The following CRAT variants were observed in gnomAD, a reference collection of about 807,000 sequenced individuals.
The protein encoded by CRAT is carnitine acetylase.
In CRAT, 66 loss-of-function variants were observed where a neutral mutation model predicts 73.7. The observed-to-expected ratio is 0.90, with a 90% CI of 0.73 to 1.10. The LOEUF (loss-of-function observed/expected upper bound fraction) is 1.10, where lower values mean the gene tolerates loss of function less well. Ranked by LOEUF, CRAT falls within the 50% of genes least tolerant of loss-of-function variation. The probability of loss-of-function intolerance (pLI) is 0.00; values close to 1 mark genes in which losing one functional copy is unlikely to be tolerated. For missense variants in CRAT, 745 were observed against 846.9 expected, an observed-to-expected ratio of 0.88 and a Z score of 1.49; for synonymous variants, 321 against 343.2, an observed-to-expected ratio of 0.94 and a Z score of 0.71.
chr9:129,100,437 C>A (rs377072166), intron 7 of CRAT, 74 bp downstream of exon 7: 1 of 1,495,224 alleles, frequency 6.7e-7, no homozygotes, highest in Non-Finnish European at 9.0e-7. Flanking sequence ...GGGCCGGGGA[C>A]GGGCAGGAAG....
At chr9:129,101,247 C>T (rs1847654988) in intron 6 of CRAT, among the ~76,000 whole-genome samples, 1 of 152,202 alleles carries the variant, frequency 6.6e-6, no homozygotes, top group East Asian at 1.9e-4. Flanking sequence ...ACATGTCTGC[C>T]CATGGCTGTG....
At position 129,104,211 on chromosome 9, in the gene CRAT, G is replaced by A. The variant is rs890056177; in HGVS notation, c.387C>T (p.Phe129=). Residue 129 remains phenylalanine, a synonymous_variant, in exon 3 of 14, where the codon TTC becomes TTT. Transcript: ENST00000318080. ...SPGVMLPKQD[F]VDLQGQLRFA... ...ACCGGAGCTGACCCTGCAGGTCCAC[G>A]AAGTCCTGCTTGGGTAGCATCACGC... 22 of 1,610,838 alleles carry A rather than the reference G, an allele frequency of 1.4e-5. No homozygotes were observed. The highest frequency in any genetic ancestry group is 1.2e-4 in the Admixed American group (7 of 59,688).
rs1847198730 is a variant in CRAT at position 129,095,196 on chromosome 9, G to A, written c.*201C>T. On this transcript the variant is annotated 3_prime_UTR_variant, in exon 14 of 14. Transcript: ENST00000318080. ...TGCACTCAGCCCCAGGTCGGGCCCTGGCAGGTGCTGGGATGACCCACGGAA... is the reference window on the plus strand; with the variant it reads ...TGCACTCAGCCCCAGGTCGGGCCCTAGCAGGTGCTGGGATGACCCACGGAA... The A allele has an allele frequency of 1.6e-6, 1 of 625,430 alleles. No homozygotes were observed. Among genetic ancestry groups the A allele is most frequent in the Non-Finnish European group, 2.8e-6 (1 of 361,536 alleles). The allele number at this position is 625,430 out of a possible 1,614,324, so 38.7% of individuals were successfully genotyped here.
chr9:129,106,088 C>T lies in CRAT; in HGVS notation c.291+1726G>A, dbSNP rs1290706717. 6.6e-6 allele frequency among the ~76,000 whole-genome samples: 1 copy of T among 152,156 alleles called. No homozygotes were observed. The highest frequency in any genetic ancestry group is 1.5e-5 in the Non-Finnish European group (1 of 68,022). On this transcript the variant is annotated intron_variant, in intron 2 of 13. Transcript: ENST00000318080. This position sits in a 1 kb window ranked among gnomAD's most constrained non-coding sequence, Gnocchi z 4.0. ...CAGCAGGATGCGCCTCTTCATCACA[C>T]GCACTCCCCTGCAGCACTGGGCCAC... is the stretch of plus-strand genomic sequence containing the variant.
rs745309261 is a variant in CRAT, at chr9:129,108,058, A to G, written c.47T>C (p.Leu16Pro). The change falls in exon 2 of 14, where the codon CTG becomes CCG. Residue 16 changes from leucine to proline, a missense_variant. Leu to Pro is a moderately conservative substitution (Grantham distance 98). Transcript: ENST00000318080. ...ARTVVKPLGFLKPFSLMKASS... is the reference protein window; with the variant it reads ...ARTVVKPLGFPKPFSLMKASS... ...AGCCTTCATCAAGGAGAAGGGCTTC[A>G]GGAAGCCCAGAGGCTTCACCTGCAG... The G allele has an allele frequency of 2.0e-6, 3 of 1,527,464 alleles. No individual in the cohort carries two copies. Among genetic ancestry groups the G allele is most frequent in the Non-Finnish European group, 2.6e-6 (3 of 1,142,918 alleles). The allele number at this position is 1,527,464 out of a possible 1,614,324, so 94.6% of individuals were successfully genotyped here. A position where few individuals can be genotyped will look rare whatever the true frequency, so the allele number is the denominator to read the frequency against.
At chr9:129,108,227 C>T (rs1848144190) in intron 1 of CRAT, 150 bp from the exon 2 acceptor site, 1 of 1,142,038 alleles carries the variant, frequency 8.8e-7, no homozygotes, top group East Asian at 2.7e-5. Context: ...AGCCCTAGAG[C>T]TCTAGGTGTC....
rs769718498 is a variant in CRAT, at chr9:129,100,516, G to A, written c.979C>T (p.Leu327=). The change falls in exon 7 of 14, where the codon CTG becomes TTG. Residue 327 remains leucine, a synonymous_variant. Coordinates refer to ENST00000318080, the MANE Select transcript of CRAT (RefSeq NM_000755.5). ...GAAGCCCTGCCGGGCCTCACCTGCA[G>A]CGTCTTGTCGAACCAGCGGTTGCCG... ...NSGNRWFDKT[L]QFIVAEDGSC... 1.2e-6 allele frequency: 2 copies of A among 1,612,704 alleles called. No individual in the cohort carries two copies. The highest frequency in any genetic ancestry group is 1.3e-5 in the African/African-American group (1 of 74,944).
At chr9:129,096,266 G>A in intron 12 of CRAT, 131 bp from the exon 13 acceptor site, 1 of 1,160,552 alleles carries the variant, frequency 8.6e-7, no homozygotes, top group East Asian at 2.4e-5. Flanking sequence ...GAGTATTCTG[G>A]CCAGAGAGAG....
chr9:129,100,586 G>C lies in CRAT; in HGVS notation c.909C>G (p.His303Gln), dbSNP rs550702669. The part of the protein sequence containing the change: ...PRVSEDVYRS[H>Q]VAGQMLHGGG... The stretch of plus-strand genomic sequence containing the variant: ...CCCCATGCAGCATCTGGCCTGCCAC[G>C]TGGCTGCGGTACACGTCTTCTGAGA... The change falls in exon 7 of 14, where the codon CAC (histidine) becomes CAG (glutamine). Residue 303 changes from histidine (H) to glutamine (Q), a missense_variant. His to Gln is a conservative substitution (Grantham distance 24). Coordinates refer to ENST00000318080, the MANE Select transcript of CRAT (RefSeq NM_000755.5). 3 of 1,614,030 alleles carry C rather than the reference G, an allele frequency of 1.9e-6. No homozygotes were observed. The South Asian group carries it at 3.3e-5, about 18-fold the overall frequency.
At position 129,097,240 on chromosome 9, in the gene CRAT, G is replaced by A; in HGVS notation, c.1527+10C>T. On this transcript the variant is annotated intron_variant, in intron 12 of 13. Coordinates refer to ENST00000318080, the MANE Select transcript of CRAT (RefSeq NM_000755.5). ...GGGACAAGTGAGTAGGCACAAGCGG[G>A]CTCACTTACCCGGTCGGTGTAGCCT... is the stretch of plus-strand genomic sequence containing the variant. 2 of 1,552,348 alleles carry A rather than the reference G, an allele frequency of 1.3e-6. No individual in the cohort carries two copies. The highest frequency in any genetic ancestry group is 1.7e-6 in the Non-Finnish European group (2 of 1,147,134).
intron 1 of CRAT, among the ~76,000 whole-genome samples, chr9:129,109,704 G>T (rs1034800413): frequency 1.3e-5 from 2 of 152,178 alleles, no homozygotes; most frequent in Non-Finnish European, 1.5e-5. Context: ...GAGCCTCTAG[G>T]CCTGAGCCTG....
In CRAT at chr9:129,096,031, G is replaced by A. The variant is rs1847260446; in HGVS notation, c.1632C>T (p.Ala544=). 3 of 1,614,052 alleles carry A rather than the reference G, an allele frequency of 1.9e-6. No individual in the cohort carries two copies. In the East Asian group the frequency reaches 6.7e-5, roughly 36 times the overall value. The part of the protein sequence containing the change: ...MPDIFMDTSY[A]IAMHFHLSTS... ...TGGAGAGGTGGAAGTGCATGGCGATGGCGTAGGAGGTGTCCATGAAGATGT... is the reference window on the plus strand; with the variant it reads ...TGGAGAGGTGGAAGTGCATGGCGATAGCGTAGGAGGTGTCCATGAAGATGT... The change falls in exon 13 of 14, where the codon GCC becomes GCT. Residue 544 remains alanine (A), a synonymous_variant. Coordinates refer to ENST00000318080, the MANE Select transcript of CRAT (RefSeq NM_000755.5).
In CRAT at chr9:129,103,483, T is replaced by C. The variant is rs1430720736; in HGVS notation, c.411-417A>G. Among the ~76,000 whole-genome samples, 2 of 152,150 alleles carry C rather than the reference T, an allele frequency of 1.3e-5. No individual in the cohort carries two copies. Among genetic ancestry groups the C allele is most frequent in the African/African-American group, 4.8e-5 (2 of 41,430 alleles). On this transcript the variant is annotated intron_variant, in intron 3 of 13. Transcript: ENST00000318080. This position sits in a 1 kb window ranked among gnomAD's most constrained non-coding sequence, Gnocchi z 4.6. ...GCCCCGGGCCCCTGGGGTGGTGTGA[T>C]GGGAGAGCAGTGGCTCCGGTGTTCC...
Position 129,104,269 on chromosome 9 carries a change from T to C in CRAT, c.329A>G (p.Tyr110Cys), listed in dbSNP as rs141970897. 8.0e-4 allele frequency: 1,298 copies of C among 1,613,280 alleles called. 8 individuals carry two copies. Among genetic ancestry groups the C allele is most frequent in the Middle Eastern group, 5.0e-3 (30 of 6,036 alleles). The change falls in exon 3 of 14, where the codon TAC becomes TGC. Residue 110 changes from tyrosine (Y) to cysteine (C), a missense_variant. Coordinates refer to ENST00000318080, the MANE Select transcript of CRAT (RefSeq NM_000755.5). Reference protein sequence around the residue: ...EWWLKTAYLQYRQPVVIYSSP... With the variant: ...EWWLKTAYLQCRQPVVIYSSP... Reference sequence around the variant, plus strand: ...CGAGTAGATGACCACAGGCTGGCGGTACTGGAGGTAGGCGGTCTTGAGCCA... The same window carrying C: ...CGAGTAGATGACCACAGGCTGGCGGCACTGGAGGTAGGCGGTCTTGAGCCA...
At position 129,095,062 on chromosome 9, in the gene CRAT, A is replaced by G; in HGVS notation, c.*335T>C. On this transcript the variant is annotated 3_prime_UTR_variant, in exon 14 of 14. Transcript: ENST00000318080. ...GAGTGGCCGGGGCTGAGCTGGTGAG[A>G]CAAAGAGCTCTTGCCAGTCTCCTGC... 1 of 367,548 alleles carries G rather than the reference A, an allele frequency of 2.7e-6. No individual in the cohort carries two copies. Among genetic ancestry groups the G allele is most frequent in the Non-Finnish European group, 5.1e-6 (1 of 196,690 alleles). 22.8% of individuals were successfully genotyped at this position (367,548 alleles called of 1,614,324 possible).
At position 129,103,466 on chromosome 9, in the gene CRAT, C is replaced by T. The variant is rs1251035770; in HGVS notation, c.411-400G>A. On this transcript the variant is annotated intron_variant, in intron 3 of 13. Transcript: ENST00000318080. This position sits in a 1 kb window ranked among gnomAD's most constrained non-coding sequence, Gnocchi z 4.6. ...AAGCATCGGTTCTGGAGGCCCCGGGCCCCTGGGGTGGTGTGATGGGAGAGC... is the reference window on the plus strand; with the variant it reads ...AAGCATCGGTTCTGGAGGCCCCGGGTCCCTGGGGTGGTGTGATGGGAGAGC... Among the ~76,000 whole-genome samples the T allele has an allele frequency of 2.0e-5, 3 of 152,146 alleles. No homozygotes were observed. Among genetic ancestry groups the T allele is most frequent in the African/African-American group, 4.8e-5 (2 of 41,428 alleles).
At chr9:129,104,361 G>C (rs561002264) in intron 2 of CRAT, 55 bp from the exon 3 acceptor site, 1 of 1,415,482 alleles carries the variant, frequency 7.1e-7, no homozygotes, top group African/African-American at 1.4e-5. Context: ...GGTGCCCCCT[G>C]TTCCCCAGGG....
Position 129,103,087 on chromosome 9 carries a change from T to C in CRAT, c.411-21A>G. On this transcript the variant is annotated intron_variant, in intron 3 of 13. Coordinates refer to ENST00000318080, the MANE Select transcript of CRAT (RefSeq NM_000755.5). This position sits in a 1 kb window ranked among gnomAD's most constrained non-coding sequence, Gnocchi z 4.6. ...CAAATCTGGAAAGATTGATTAGAGA[T>C]TAGAAGCTGCGTGGACACCCTGAGG... 3.1e-6 allele frequency: 5 copies of C among 1,612,474 alleles called. No individual in the cohort carries two copies. Among genetic ancestry groups the C allele is most frequent in the Non-Finnish European group, 4.2e-6 (5 of 1,178,528 alleles).
chr9:129,109,075 G>A (rs1239326720), intron 1 of CRAT: 1 of 1,274,150 alleles, frequency 7.8e-7, no homozygotes, highest in Admixed American at 2.4e-5. Context: ...GAGAGGGCTA[G>A]TGGGGGGGCA....
Sources: allele counts gnomAD v4.1 joint callset (sites outside exome capture counted in the v4.1 genomes callset), GRCh38; gene constraint gnomAD v4.1.1; non-coding constraint Gnocchi (gnomAD v3.1); transcripts MANE v1.5; gene names NCBI Gene and HGNC (gene_info 2026-07-23, HGNC 2026-07-21).